The following COL4A1 variants were observed in gnomAD, a reference collection of about 807,000 sequenced individuals.
COL4A1 encodes collagen alpha-1(IV) chain.
Under a neutral mutation model 216.6 loss-of-function variants are expected in COL4A1, and 40 were observed. That is an observed-to-expected ratio of 0.18 (90% CI 0.14 to 0.24). COL4A1 has a LOEUF of 0.24. Ranked by LOEUF, COL4A1 falls within the 10% of genes least tolerant of loss-of-function variation. The pLI is 1.00. For synonymous variants in COL4A1, 839 were observed against 810.7 expected (o/e 1.03, Z -0.59); for missense variants, 1,628 against 2,196.8 (o/e 0.74, Z 5.18).
chr13:110,202,111 T>G (rs1305844254), intron 18 of COL4A1, among the ~76,000 whole-genome samples: 1 of 152,184 alleles, frequency 6.6e-6, no homozygotes, highest in Admixed American at 6.5e-5. Flanking sequence ...CAGCAGCTTT[T>G]GTAACACTCC....
chr13:110,237,068 T>C (rs1017895442), intron 2 of COL4A1, among the ~76,000 whole-genome samples: 2 of 152,082 alleles, frequency 1.3e-5, no homozygotes, highest in Non-Finnish European at 2.9e-5. Flanking sequence ...GCTCATTTCT[T>C]TGTGGTCCTC....
chr13:110,236,872 T>C (rs924420559), intron 2 of COL4A1, among the ~76,000 whole-genome samples: 1 of 152,152 alleles, frequency 6.6e-6, no homozygotes. Context: ...CATATTTTGA[T>C]GGGCTGGGCA....
At chr13:110,269,334 G>T (rs1883158409) in intron 1 of COL4A1, among the ~76,000 whole-genome samples, 1 of 152,068 alleles carries the variant, frequency 6.6e-6, no homozygotes, top group Non-Finnish European at 1.5e-5. Context: ...TATAAAATCA[G>T]AAGCATACAT....
At chr13:110,306,531 G>C (rs187859940) in intron 1 of COL4A1, among the ~76,000 whole-genome samples, 3 of 151,936 alleles carry the variant, frequency 2.0e-5, no homozygotes, top group Middle Eastern at 3.4e-3. Context: ...CTCCCAGTGT[G>C]GGTCTCTGAG....
In COL4A1 at chr13:110,183,082, G is replaced by A. The variant is rs1878249006; in HGVS notation, c.2006C>T (p.Pro669Leu). Residue 669 changes from proline (P) to leucine (L), a missense_variant, in exon 28 of 52, where the codon CCC (proline) becomes CTC (leucine). Around this residue, in one of 8 missense-constraint regions of COL4A1, gnomAD observed 701 missense variants for 892.5 expected, o/e 0.79. Coordinates refer to ENST00000375820, the MANE Select transcript of COL4A1 (RefSeq NM_001845.6). ...FPGPQGDRGF[P>L]GTPGRPGLPG... Reference sequence around the variant, plus strand: ...CAGGCCTGGCCTTCCTGGGGTTCCGGGAAAGCCTCGGTCTCCTGTGGTGAG... The same window carrying A: ...CAGGCCTGGCCTTCCTGGGGTTCCGAGAAAGCCTCGGTCTCCTGTGGTGAG... The A allele has an allele frequency of 1.9e-6, 3 of 1,612,826 alleles. No homozygotes were observed. The highest frequency in any genetic ancestry group is 2.5e-6 in the Non-Finnish European group (3 of 1,179,714).
At chr13:110,188,571 C>G (rs186692366) in intron 24 of COL4A1, among the ~76,000 whole-genome samples, 1 of 152,330 alleles carries the variant, frequency 6.6e-6, no homozygotes, top group East Asian at 1.9e-4. Flanking sequence ...GACTACTCAG[C>G]CAGAAAGTGC....
At chr13:110,290,274 C>T (rs34906261) in intron 1 of COL4A1, among the ~76,000 whole-genome samples, 20,267 of 152,230 alleles carry the variant, frequency 0.13, 1,492 homozygotes, top group South Asian at 0.26. Flanking sequence ...AGCTAACAAG[C>T]GCTCGGCAGG....
intron 1 of COL4A1, among the ~76,000 whole-genome samples, chr13:110,280,520 A>G (rs946689022): frequency 6.6e-6 from 1 of 152,260 alleles, no homozygotes; most frequent in Non-Finnish European, 1.5e-5. Flanking sequence ...CAAAAAATGA[A>G]TTATATAGAA....
rs1286606506 is a variant in COL4A1 at position 110,187,177 on chromosome 13, T to G, written c.1689A>C (p.Arg563Ser). The G allele has an allele frequency of 1.9e-6, 3 of 1,614,018 alleles. No homozygotes were observed. Among genetic ancestry groups the G allele is most frequent in the Non-Finnish European group, 2.5e-6 (3 of 1,179,932 alleles). ...GMPGRAGSPG[R>S]DGHPGLPGPK... ...GGCCAGGAAGACCCGGATGGCCATC[T>G]CTTCCAGGAGAACCCGCTCTCCCTG... The change falls in exon 25 of 52, where the codon AGA becomes AGC. Residue 563 changes from arginine to serine, a missense_variant. Coordinates refer to ENST00000375820, the MANE Select transcript of COL4A1 (RefSeq NM_001845.6).
chr13:110,184,707 G>GTGTGT (rs1566357486), intron 26 of COL4A1, among the ~76,000 whole-genome samples: 91 of 145,536 alleles, frequency 6.3e-4, no homozygotes, highest in African/African-American at 2.3e-3. Flanking sequence ...TGTGTGTTTT[G>GTGTGT]TTTGTTTGTT....
chr13:110,179,539 T>C (rs1878055922), intron 29 of COL4A1, 118 bp from the exon 30 acceptor site: 2 of 1,446,492 alleles, frequency 1.4e-6, no homozygotes, highest in Admixed American at 1.8e-5. Context: ...AAGAATATTA[T>C]CTGCTCAACC....
chr13:110,161,862 CT>C lies in COL4A1; in HGVS notation c.4462+367del, dbSNP rs113935889. ...GAATTTCAGACAGGATAACATGGAC[CT>C]TTTTTTTTACAAAGAGCAATGGTTA... On this transcript the variant is annotated intron_variant, in intron 48 of 51. Transcript: ENST00000375820. 0.01 allele frequency: 3,484 copies of C among 333,822 alleles called. 133 individuals carry two copies. In the East Asian group the frequency reaches 0.12, roughly 11 times the overall value. 20.7% of individuals were successfully genotyped at this position (333,822 alleles called of 1,614,324 possible).
chr13:110,219,692 A>ATATATATG (rs1187843450), intron 2 of COL4A1, among the ~76,000 whole-genome samples: 1 of 93,992 alleles, frequency 1.1e-5, no homozygotes, highest in Non-Finnish European at 2.4e-5. Context: ...ATATATATGT[A>ATATATATG]TATATATGTA....
Position 110,153,557 on chromosome 13 carries a change from G to A in COL4A1, c.4756-1051C>T, listed in dbSNP as rs77798260. 7.9e-4 allele frequency among the ~76,000 whole-genome samples: 121 copies of A among 152,266 alleles called. 1 individual carries two copies. The South Asian group carries it at 0.022, about 28-fold the overall frequency. Reference sequence around the variant, plus strand: ...GTATTTCTTATGATTATGGAGTGGCGAATCCAATCTACCTTTTAATGAACA... The same window carrying A: ...GTATTTCTTATGATTATGGAGTGGCAAATCCAATCTACCTTTTAATGAACA... On this transcript the variant is annotated intron_variant, in intron 50 of 51. Transcript: ENST00000375820.
At chr13:110,192,602 G>A (rs1026864710) in intron 23 of COL4A1, among the ~76,000 whole-genome samples, 1 of 152,182 alleles carries the variant, frequency 6.6e-6, no homozygotes, top group Non-Finnish European at 1.5e-5. Context: ...GTGGCATGGA[G>A]GGAACTGTTA....
rs898229064 is a variant in COL4A1, at chr13:110,210,216, G to C, written c.469-4C>G. The stretch of plus-strand genomic sequence containing the variant: ...CAAGTATCTCACCTGGATCACCCTA[G>C]AGGATGAAGAAAGAAAATAGAAAGT... On this transcript the variant is annotated splice_polypyrimidine_tract_variant and splice_region_variant and intron_variant, in intron 8 of 51. Transcript: ENST00000375820. The C allele has an allele frequency of 1.9e-6, 3 of 1,613,148 alleles. No homozygotes were observed. Among genetic ancestry groups the C allele is most frequent in the Non-Finnish European group, 2.5e-6 (3 of 1,179,876 alleles).
chr13:110,152,470 G>A lies in COL4A1; in HGVS notation c.4792C>T (p.Leu1598=), dbSNP rs755166798. Residue 1598 remains leucine (L), a synonymous_variant, in exon 51 of 52, where the codon CTG becomes TTG. Coordinates refer to ENST00000375820, the MANE Select transcript of COL4A1 (RefSeq NM_001845.6). ...SAGAEGSGQA[L]ASPGSCLEEF... The stretch of plus-strand genomic sequence containing the variant: ...TCCAGGCAGGAGCCGGGGGACGCCA[G>A]GGCTTGGCCAGAGCCTTCTGCACCA... 2.5e-6 allele frequency: 4 copies of A among 1,613,752 alleles called. No individual in the cohort carries two copies. The highest frequency in any genetic ancestry group is 3.4e-6 in the Non-Finnish European group (4 of 1,180,006).
At chr13:110,305,205 T>C (rs1156912452) in intron 1 of COL4A1, among the ~76,000 whole-genome samples, 1 of 152,236 alleles carries the variant, frequency 6.6e-6, no homozygotes, top group Admixed American at 6.5e-5. Flanking sequence ...GCCCACAGGC[T>C]GCATCTCTTA....
intron 1 of COL4A1, among the ~76,000 whole-genome samples, chr13:110,246,515 C>T (rs1457891809): frequency 2.0e-5 from 3 of 152,202 alleles, no homozygotes; most frequent in African/African-American, 7.2e-5. Flanking sequence ...CCCAGGTTCA[C>T]AATTTCATTG....
Sources: gnomAD v4.1 joint callset for allele counts (sites outside exome capture counted in the v4.1 genomes callset) on GRCh38, gnomAD v4.1.1 for gene constraint, gnomAD v4.1.1 regional missense constraint, MANE v1.5 for transcripts, NCBI Gene and HGNC (gene_info 2026-07-23, HGNC 2026-07-21) for gene names.